The following BANP variants were observed in gnomAD, a reference collection of about 807,000 sequenced individuals.
The protein encoded by BANP is protein BANP.
BANP carries 11 observed loss-of-function variants against 68.1 expected under a neutral mutation model. The ratio of observed to expected loss-of-function variants is 0.16; its 90% CI spans 0.10 to 0.27. The LOEUF (loss-of-function observed/expected upper bound fraction) is 0.27, where lower values mean the gene tolerates loss of function less well. Among genes scored for constraint, BANP ranks in the 10% least tolerant of loss-of-function variants. The pLI, the probability that BANP is intolerant of heterozygous loss-of-function variation, is 1.00. For missense variants in BANP, 504 were observed against 722.7 expected, an observed-to-expected ratio of 0.70 and a Z score of 3.47; for synonymous variants, 329 against 303.2, an observed-to-expected ratio of 1.09 and a Z score of -0.88.
intron 1 of BANP, among the ~76,000 whole-genome samples, chr16:87,971,030 A>AAAG (rs10683846): frequency 4.0e-5 from 6 of 151,502 alleles, no homozygotes. Flanking sequence ...AAAAAAAAAA[A>AAAG]GAACTCTACC....
intron 11 of BANP, among the ~76,000 whole-genome samples, chr16:88,044,922 C>G (rs904887058): frequency 2.0e-5 from 3 of 152,078 alleles, no homozygotes; most frequent in Non-Finnish European, 4.4e-5. Context: ...GCGGAGCTTG[C>G]ATTGAGCTGA....
At chr16:87,973,711 C>A (rs2061513043) in intron 1 of BANP, among the ~76,000 whole-genome samples, 1 of 143,656 alleles carries the variant, frequency 7.0e-6, no homozygotes, top group African/African-American at 2.6e-5. Context: ...CGAGATTGCG[C>A]CATTGCATTC....
intron 4 of BANP, among the ~76,000 whole-genome samples, chr16:87,987,028 T>C (rs1259843935): frequency 2.6e-5 from 4 of 152,228 alleles, no homozygotes; most frequent in Non-Finnish European, 5.9e-5. Context: ...AAAAGTATAT[T>C]CTATTTAAAA....
At chr16:88,016,369 C>T (rs1339473868) in intron 6 of BANP, among the ~76,000 whole-genome samples, 1 of 152,190 alleles carries the variant, frequency 6.6e-6, no homozygotes, top group African/African-American at 2.4e-5. Flanking sequence ...AGTCCATGAC[C>T]ATCTCTAGCC....
At chr16:88,051,759 G>A (rs981356777) in intron 11 of BANP, among the ~76,000 whole-genome samples, 4 of 152,142 alleles carry the variant, frequency 2.6e-5, no homozygotes, top group Non-Finnish European at 5.9e-5. Flanking sequence ...AGGGCAGCTC[G>A]GCTGATGATA....
At chr16:88,045,403 G>T (rs943255733) in intron 11 of BANP, among the ~76,000 whole-genome samples, 1 of 152,258 alleles carries the variant, frequency 6.6e-6, no homozygotes, top group Non-Finnish European at 1.5e-5. Context: ...GGAGAGGCCG[G>T]GGCCAAAGGA....
chr16:88,063,117 C>T (rs973871850), intron 11 of BANP, among the ~76,000 whole-genome samples: 6 of 152,254 alleles, frequency 3.9e-5, no homozygotes, highest in Admixed American at 3.3e-4. Flanking sequence ...TGCAGCAGCG[C>T]AGCCAAGCGG....
intron 12 of BANP, among the ~76,000 whole-genome samples, chr16:88,066,027 C>T (rs1244188956): frequency 6.6e-6 from 1 of 152,216 alleles, no homozygotes; most frequent in East Asian, 1.9e-4. Context: ...TTTTACGAGC[C>T]TGGGATAGCG....
Position 88,057,836 on chromosome 16 carries a change from C to T in BANP, c.1312-7431C>T, listed in dbSNP as rs950752279. On this transcript the variant is annotated intron_variant, in intron 11 of 13. Transcript: ENST00000682872. The surrounding 1 kb of genome is among the most constrained non-coding windows in gnomAD (Gnocchi z 4.6). ...CAGGGCAAGTGGTGCTGGCCGGATG[C>T]CCACAGTGAGGAGGTGCGGGGCACG... 1.3e-5 allele frequency among the ~76,000 whole-genome samples: 2 copies of T among 152,038 alleles called. No homozygotes were observed. The highest frequency in any genetic ancestry group is 2.4e-5 in the African/African-American group (1 of 41,388).
chr16:88,028,437 C>T (rs766192843), intron 8 of BANP, among the ~76,000 whole-genome samples: 2 of 152,170 alleles, frequency 1.3e-5, no homozygotes, highest in South Asian at 2.1e-4. Context: ...CTTTCTGAAC[C>T]GGACTTCAGG....
intron 4 of BANP, among the ~76,000 whole-genome samples, chr16:87,997,198 A>C (rs2067490090): frequency 6.6e-6 from 1 of 152,230 alleles, no homozygotes. Context: ...GGCTCAAGCC[A>C]TCTGCCTGCT....
chr16:87,977,722 A>G (rs1261908163), intron 2 of BANP, among the ~76,000 whole-genome samples: 6 of 152,232 alleles, frequency 3.9e-5, no homozygotes, highest in Non-Finnish European at 8.8e-5. Context: ...TTTAAAAGAA[A>G]GACTTCTAGG....
At chr16:88,054,437 C>T (rs1247843624) in intron 11 of BANP, among the ~76,000 whole-genome samples, 1 of 152,254 alleles carries the variant, frequency 6.6e-6, no homozygotes, top group African/African-American at 2.4e-5. Flanking sequence ...ACCACCACCA[C>T]CTCCACCACT....
chr16:87,956,685 C>T (rs1324292168), intron 1 of BANP: 1 of 152,126 alleles, frequency 6.6e-6, no homozygotes, highest in East Asian at 1.9e-4. Flanking sequence ...GCAAGCTCAG[C>T]CTGCTTTGGT....
chr16:87,986,509 C>G (rs1468414584), intron 4 of BANP, among the ~76,000 whole-genome samples: 3 of 152,206 alleles, frequency 2.0e-5, no homozygotes, highest in African/African-American at 7.2e-5. Context: ...GTTGCCCTGA[C>G]AGACACTGAG....
In BANP at chr16:88,057,682, G is replaced by A. The variant is rs1009512666; in HGVS notation, c.1312-7585G>A. On this transcript the variant is annotated intron_variant, in intron 11 of 13. Transcript: ENST00000682872. This position sits in a 1 kb window ranked among gnomAD's most constrained non-coding sequence, Gnocchi z 4.6. The stretch of plus-strand genomic sequence containing the variant: ...GTCCTGGTTCTTACATCCCAGAAGG[G>A]AAGTTGCGGCACTGTGCGAGACAGT... Among the ~76,000 whole-genome samples, 2 of 151,506 alleles carry A rather than the reference G, an allele frequency of 1.3e-5. No homozygotes were observed. The highest frequency in any genetic ancestry group is 4.9e-5 in the African/African-American group (2 of 41,138).
upstream of BANP, chr16:87,951,332 T>TCACTGCCACAGGGGTGCCCCGCCC (rs2056798887): frequency 6.6e-6 from 1 of 151,886 alleles, no homozygotes; most frequent in Admixed American, 6.6e-5. Flanking sequence ...GCAGCTGGCC[T>TCACTGCCACAGGGGTGCCCCGCCC]CACTGCCACA....
At chr16:87,985,502 T>C (rs1294725300) in intron 4 of BANP, among the ~76,000 whole-genome samples, 6 of 152,138 alleles carry the variant, frequency 3.9e-5, no homozygotes, top group South Asian at 4.1e-4. Context: ...CCTTTTTTTT[T>C]AGGATAGTTT....
In BANP at chr16:88,033,160, C is replaced by T. The variant is rs201270619; in HGVS notation, c.1115C>T (p.Pro372Leu). 6 of 1,610,756 alleles carry T rather than the reference C, an allele frequency of 3.7e-6. No individual in the cohort carries two copies. The highest frequency in any genetic ancestry group is 1.7e-5 in the Admixed American group (1 of 59,934). ...GCCAGCGAGCTCCCGCAGCCACAGC[C>T]GCAGCCGCAGGCCCTGCACTACGCG... Reference protein sequence around the residue: ...PPASELPQPQPQPQALHYALA... With the variant: ...PPASELPQPQLQPQALHYALA... The change falls in exon 9 of 14, where the codon CCG (proline) becomes CTG (leucine). Residue 372 changes from proline to leucine, a missense_variant. Physicochemically the swap from Pro to Leu is moderately conservative, Grantham distance 98. Around this residue, in one of 3 missense-constraint regions of BANP, gnomAD observed 223 missense variants for 246.2 expected, o/e 0.91. Coordinates refer to ENST00000682872, the MANE Select transcript of BANP (RefSeq NM_001386991.1).
Sources: allele counts gnomAD v4.1 joint callset (sites outside exome capture counted in the v4.1 genomes callset), GRCh38; gene constraint gnomAD v4.1.1; regional missense constraint gnomAD v4.1.1; non-coding constraint Gnocchi (gnomAD v3.1); transcripts MANE v1.5; gene names NCBI Gene and HGNC (gene_info 2026-07-23, HGNC 2026-07-21).